TCTN3: variants seen among roughly 807,000 people sequenced by gnomAD.
The protein encoded by TCTN3 is tectonic-3.
Under a neutral mutation model 71.3 loss-of-function variants are expected in TCTN3, and 57 were observed. The ratio of observed to expected loss-of-function variants is 0.80; its 90% CI spans 0.65 to 1.00. TCTN3 has a LOEUF of 1.00. Ranked by LOEUF, TCTN3 falls within the 50% of genes least tolerant of loss-of-function variation. The pLI is 0.00. For synonymous variants in TCTN3, 258 were observed against 267.8 expected, an observed-to-expected ratio of 0.96 and a Z score of 0.36; for missense variants, 696 against 719.9, an observed-to-expected ratio of 0.97 and a Z score of 0.38.
intron 13 of TCTN3, among the ~76,000 whole-genome samples, chr10:95,669,908 A>G (rs1481879481): frequency 2.6e-5 from 4 of 151,266 alleles, no homozygotes; most frequent in Non-Finnish European, 5.9e-5. Context: ...CTAAAAATAC[A>G]AAAAATTAGC....
chr10:95,679,259 T>C (rs2097940422), intron 13 of TCTN3, among the ~76,000 whole-genome samples: 2 of 152,158 alleles, frequency 1.3e-5, no homozygotes, highest in African/African-American at 2.4e-5. Context: ...GATGTGGAAA[T>C]ACACAGTGAA....
At chr10:95,684,202 G>A (rs2139741410) in intron 9 of TCTN3, among the ~76,000 whole-genome samples, 1 of 152,310 alleles carries the variant, frequency 6.6e-6, no homozygotes, top group East Asian at 1.9e-4. Context: ...ATTTTTGTAG[G>A]TGTTGGCTGA....
rs1471002377 is a variant in TCTN3 at position 95,693,891 on chromosome 10, G to T, written c.9C>A (p.Thr3=). 1.6e-5 allele frequency: 25 copies of T among 1,551,572 alleles called. No homozygotes were observed. The highest frequency in any genetic ancestry group is 2.2e-5 in the Non-Finnish European group (25 of 1,147,004). The change falls in exon 1 of 14, where the codon ACC becomes ACA. Residue 3 remains threonine, a synonymous_variant. Transcript: ENST00000371217. The stretch of plus-strand genomic sequence containing the variant: ...ACACTTGCAGGAGCGCGAGCTGTGG[G>T]GTGCGCATGGGGCATTCAGGGCCTC... The part of the protein sequence containing the change: MR[T]PQLALLQVFF...
At chr10:95,691,805 T>G (rs937018047) in intron 3 of TCTN3, among the ~76,000 whole-genome samples, 1 of 152,222 alleles carries the variant, frequency 6.6e-6, no homozygotes, top group Non-Finnish European at 1.5e-5. Context: ...CCTCTAATCT[T>G]TATTGTACTC....
chr10:95,683,617 T>C lies in TCTN3; in HGVS notation c.1108A>G (p.Ser370Gly). The change falls in exon 10 of 14, where the codon AGC becomes GGC. Residue 370 changes from serine to glycine, a missense_variant. By Grantham distance (56) the Ser-to-Gly change is moderately conservative. Transcript: ENST00000371217. ...FILRFRAFQQ[S>G]TAASLTSPRS... ...GGACTGGTGAGAGAAGCAGCTGTGC[T>C]CTGTTGAAAAGCCTGCAGAAAGAGG... 6.2e-7 allele frequency: 1 copy of C among 1,611,152 alleles called. No individual in the cohort carries two copies. Among genetic ancestry groups the C allele is most frequent in the Non-Finnish European group, 8.5e-7 (1 of 1,178,624 alleles).
intron 8 of TCTN3, among the ~76,000 whole-genome samples, chr10:95,684,900 G>A (rs955682972): frequency 6.6e-6 from 1 of 152,110 alleles, no homozygotes; most frequent in East Asian, 1.9e-4. Flanking sequence ...AGTTGATTAC[G>A]GACAGAGGAG....
At chr10:95,679,685 G>A (rs1279375116) in intron 13 of TCTN3, among the ~76,000 whole-genome samples, 3 of 147,332 alleles carry the variant, frequency 2.0e-5, no homozygotes, top group African/African-American at 5.0e-5. Context: ...TCCGCCTCTC[G>A]GGTTCACGCC....
chr10:95,693,866 A>G lies in TCTN3; in HGVS notation c.34T>C (p.Phe12Leu). ...RTPQLALLQV[F>L]FLVFPDGVRP... ...ACGCCATCGGGGAACACCAGAAAGAACACTTGCAGGAGCGCGAGCTGTGGG... is the reference window on the plus strand; with the variant it reads ...ACGCCATCGGGGAACACCAGAAAGAGCACTTGCAGGAGCGCGAGCTGTGGG... Residue 12 changes from phenylalanine (F) to leucine (L), a missense_variant, in exon 1 of 14, where the codon TTC (phenylalanine) becomes CTC (leucine). Phe to Leu is a conservative substitution (Grantham distance 22). Transcript: ENST00000371217. 2.6e-6 allele frequency: 4 copies of G among 1,551,538 alleles called. 1 individual carries two copies. The highest frequency in any genetic ancestry group is 3.5e-6 in the Non-Finnish European group (4 of 1,146,982).
rs1241259442 is a variant in TCTN3 at position 95,693,363 on chromosome 10, C to T, written c.370G>A (p.Gly124Ser). 6 of 1,551,716 alleles carry T rather than the reference C, an allele frequency of 3.9e-6. No individual in the cohort carries two copies. Among genetic ancestry groups the T allele is most frequent in the Non-Finnish European group, 5.2e-6 (6 of 1,147,018 alleles). The change falls in exon 2 of 14, where the codon GGC becomes AGC. Residue 124 changes from glycine to serine, a missense_variant. Gly to Ser is a moderately conservative substitution (Grantham distance 56, BLOSUM62 0). Coordinates refer to ENST00000371217, the MANE Select transcript of TCTN3 (RefSeq NM_015631.6). The part of the protein sequence containing the change: ...PRTVFSFCLP[G>S]SVRSSSWVCV... ...AGCAACGAAGCTCACCTTACGCTGC[C>T]TGGAAGGCAGAAGGAGAAAACTGTC...
rs1409525975 is a variant in TCTN3 at position 95,691,682 on chromosome 10, ATT to A, written c.499+1236_499+1237del. On this transcript the variant is annotated intron_variant, in intron 3 of 13. Transcript: ENST00000371217. ...ATTTAAATCCATTTTGTGCAGGAAC[ATT>A]ATTTTGCTTCATAGACATTTTAAAA... is the stretch of plus-strand genomic sequence containing the variant. Among the ~76,000 whole-genome samples the A allele has an allele frequency of 2.0e-5, 3 of 152,306 alleles. No homozygotes were observed. The East Asian group carries it at 5.8e-4, about 29-fold the overall frequency.
rs1331382943 is a variant in TCTN3, at chr10:95,687,275, C to T, written c.708G>A (p.Gly236=). 3 of 1,614,088 alleles carry T rather than the reference C, an allele frequency of 1.9e-6. No homozygotes were observed. The East Asian group carries it at 6.7e-5, about 36-fold the overall frequency. Residue 236 remains glycine (G), a synonymous_variant, in exon 5 of 14, where the codon GGG becomes GGA. Coordinates refer to ENST00000371217, the MANE Select transcript of TCTN3 (RefSeq NM_015631.6). ...CAGGATTGCTTTCAGCACAGAGTCC[C>T]CCAGCTCCAACTCCTGCAGGTTGTC... ...LLRQPAGVGA[G]GLCAESNPAG... is the part of the protein sequence containing the mutation.
rs2097923725 is a variant in TCTN3, at chr10:95,663,869, C to G, written c.*198G>C. ...ATCTGGTGGCCTGCAGAGCCCAAAG[C>G]AGAGAGCTATGATGAATAAAATATT... On this transcript the variant is annotated 3_prime_UTR_variant, in exon 14 of 14. Coordinates refer to ENST00000371217, the MANE Select transcript of TCTN3 (RefSeq NM_015631.6). 1 of 534,802 alleles carries G rather than the reference C, an allele frequency of 1.9e-6. No individual in the cohort carries two copies. The highest frequency in any genetic ancestry group is 3.3e-6 in the Non-Finnish European group (1 of 300,156). The allele number at this position is 534,802 out of a possible 1,614,324, so 33.1% of individuals were successfully genotyped here. A position where few individuals can be genotyped will look rare whatever the true frequency, so the allele number is the denominator to read the frequency against.
intron 3 of TCTN3, 63 bp downstream of exon 3, chr10:95,692,857 G>T: frequency 8.1e-7 from 1 of 1,236,554 alleles, no homozygotes; most frequent in East Asian, 2.3e-5. Flanking sequence ...ATGTGGGCCA[G>T]GGAAGACAAA....
chr10:95,681,026 T>G (rs919310751), intron 12 of TCTN3, among the ~76,000 whole-genome samples: 10 of 151,928 alleles, frequency 6.6e-5, no homozygotes, highest in Admixed American at 5.2e-4. Flanking sequence ...TTTGCCTGCC[T>G]TGGCCTCCCA....
intron 12 of TCTN3, among the ~76,000 whole-genome samples, chr10:95,681,992 T>A: frequency 6.9e-6 from 1 of 144,674 alleles, no homozygotes; most frequent in South Asian, 2.2e-4. Flanking sequence ...CCCAGGAGTT[T>A]GAGACCATCT....
At chr10:95,690,586 T>A (rs2097952587) in intron 3 of TCTN3, among the ~76,000 whole-genome samples, 1 of 152,100 alleles carries the variant, frequency 6.6e-6, no homozygotes, top group African/African-American at 2.4e-5. Context: ...ACAGGGCATA[T>A]CTTGAGGACA....
intron 13 of TCTN3, among the ~76,000 whole-genome samples, chr10:95,671,506 T>C (rs1474137446): frequency 6.6e-6 from 1 of 152,218 alleles, no homozygotes. Flanking sequence ...ATGATCACGA[T>C]TTTTAAACCA....
Position 95,685,780 on chromosome 10 carries a change from T to TA in TCTN3, c.889-145dup. ...CTTCTTCCAGTGCCAGCCAACAACT[T>TA]AAATTCAAGTCTTTCTAAACGAGCA... On this transcript the variant is annotated intron_variant, in intron 7 of 13. Transcript: ENST00000371217. 9.6e-6 allele frequency: 6 copies of TA among 626,530 alleles called. No homozygotes were observed. The East Asian group carries it at 1.7e-4, about 18-fold the overall frequency. 38.8% of individuals were successfully genotyped at this position (626,530 alleles called of 1,614,324 possible).
At chr10:95,687,396 G>T in intron 4 of TCTN3, 41 bp from the exon 5 acceptor site, 1 of 1,555,806 alleles carries the variant, frequency 6.4e-7, no homozygotes, top group South Asian at 1.2e-5. Context: ...CAGTGAGACT[G>T]GACTAAACTA....
Sources: allele counts gnomAD v4.1 joint callset (sites outside exome capture counted in the v4.1 genomes callset), GRCh38; gene constraint gnomAD v4.1.1; transcripts MANE v1.5; gene names NCBI Gene and HGNC (gene_info 2026-07-23, HGNC 2026-07-21).